Variants in LRBA observed in about 807,000 individuals in gnomAD.
The protein encoded by LRBA is LPS responsive beige-like anchor protein.
A neutral mutation model predicts 330.0 loss-of-function variants in LRBA; 176 were observed. The ratio of observed to expected loss-of-function variants is 0.53; its 90% confidence interval spans 0.47 to 0.60. The LOEUF (loss-of-function observed/expected upper bound fraction) is 0.60. Ranked by LOEUF, LRBA falls within the 20% of genes least tolerant of loss-of-function variation. The pLI, the probability that LRBA is intolerant of heterozygous loss-of-function variation, is 0.00. For missense variants in LRBA, 3,259 were observed against 3,444.8 expected (o/e 0.95, Z 1.35); for synonymous variants, 1,230 against 1,193.0 (o/e 1.03, Z -0.64).
chr4:150,268,803 GAA>G (rs1038668493), intron 56 of LRBA, among the ~76,000 whole-genome samples: 1 of 152,078 alleles, frequency 6.6e-6, no homozygotes, highest in Non-Finnish European at 1.5e-5. Flanking sequence ...CACACTCGAT[GAA>G]AAAAAGTTTT....
chr4:150,535,788 T>C (rs561835271), intron 40 of LRBA, among the ~76,000 whole-genome samples: 30 of 152,192 alleles, frequency 2.0e-4, no homozygotes, highest in African/African-American at 7.2e-4. Context: ...TATAAAATAC[T>C]TTCGTTCTTA....
chr4:150,904,171 C>T (rs1731059122), intron 13 of LRBA, among the ~76,000 whole-genome samples: 2 of 152,232 alleles, frequency 1.3e-5, no homozygotes, highest in African/African-American at 4.8e-5. Context: ...GACCACGAAG[C>T]TGATAAAGCT....
chr4:150,887,498 G>T (rs572716206), intron 17 of LRBA, among the ~76,000 whole-genome samples: 8 of 152,228 alleles, frequency 5.3e-5, no homozygotes, highest in Admixed American at 4.6e-4. Flanking sequence ...CACGGGCCGG[G>T]TGTGGTGGCT....
chr4:150,672,972 G>C (rs574434077), intron 37 of LRBA, among the ~76,000 whole-genome samples: 1 of 152,174 alleles, frequency 6.6e-6, no homozygotes, highest in Admixed American at 6.5e-5. Context: ...TTGGAATGAC[G>C]AACAAATGAC....
intron 17 of LRBA, among the ~76,000 whole-genome samples, chr4:150,881,314 A>C (rs1728360454): frequency 6.6e-6 from 1 of 152,256 alleles, no homozygotes. Flanking sequence ...ATACATATAC[A>C]CCAAAGAATA....
intron 38 of LRBA, chr4:150,597,102 T>G (rs757377039): frequency 1.4e-6 from 2 of 1,404,576 alleles, no homozygotes; most frequent in Non-Finnish European, 2.0e-6. Context: ...TCTCTCTCAA[T>G]TTAAAAATGC....
chr4:150,962,645 C>G (rs1304174027), intron 2 of LRBA, among the ~76,000 whole-genome samples: 1 of 149,134 alleles, frequency 6.7e-6, no homozygotes. Flanking sequence ...ACAATAAATT[C>G]AAGCTACATA....
chr4:150,835,950 CTCT>C (rs1168094991), intron 28 of LRBA, among the ~76,000 whole-genome samples: 2 of 152,096 alleles, frequency 1.3e-5, no homozygotes, highest in South Asian at 4.1e-4. Flanking sequence ...TCATAAATAG[CTCT>C]TATTATTTTG....
At chr4:150,507,578 C>T (rs1469984372) in intron 40 of LRBA, among the ~76,000 whole-genome samples, 1 of 152,044 alleles carries the variant, frequency 6.6e-6, no homozygotes, top group African/African-American at 2.4e-5. Context: ...AAAATTAATT[C>T]AAGATGGATT....
intron 37 of LRBA, among the ~76,000 whole-genome samples, chr4:150,674,164 AT>A (rs1469008409): frequency 3.3e-5 from 5 of 151,554 alleles, no homozygotes; most frequent in African/African-American, 1.2e-4. Flanking sequence ...AAAAAAAGTA[AT>A]TTTTGTGGTG....
intron 2 of LRBA, among the ~76,000 whole-genome samples, chr4:150,945,262 A>C (rs911976237): frequency 1.3e-5 from 2 of 152,250 alleles, no homozygotes; most frequent in Admixed American, 6.5e-5. Flanking sequence ...AGATATAAAG[A>C]TATCTATTGC....
Position 150,867,689 on chromosome 4 carries a change from T to C in LRBA, c.2748A>G (p.Leu916=), listed in dbSNP as rs1288300649. Reference sequence around the variant, plus strand: ...AACTTACCTTTGAATGAGTGATTGATAAAGTGTCTACCCATACACGCCAGC... The same window carrying C: ...AACTTACCTTTGAATGAGTGATTGACAAAGTGTCTACCCATACACGCCAGC... ...WGGWRVWVDT[L]SITHSKVTFE... The change falls in exon 22 of 57, where the codon TTA becomes TTG. Residue 916 remains leucine, a synonymous_variant. Coordinates refer to ENST00000651943, the MANE Select transcript of LRBA (RefSeq NM_001364905.1). 3 of 1,608,688 alleles carry C rather than the reference T, an allele frequency of 1.9e-6. No homozygotes were observed. Among genetic ancestry groups the C allele is most frequent in the Non-Finnish European group, 8.5e-7 (1 of 1,178,186 alleles).
chr4:150,646,821 C>T (rs1271306315), intron 37 of LRBA, among the ~76,000 whole-genome samples: 2 of 151,938 alleles, frequency 1.3e-5, no homozygotes, highest in Non-Finnish European at 2.9e-5. Context: ...ACATAACATG[C>T]AAAAGAAATG....
chr4:150,322,204 T>C (rs946769341), intron 49 of LRBA, among the ~76,000 whole-genome samples: 1 of 152,154 alleles, frequency 6.6e-6, no homozygotes, highest in Admixed American at 6.5e-5. Flanking sequence ...TAATTGAAAA[T>C]GTTAAATGAA....
At chr4:150,413,636 A>G (rs191371828) in intron 47 of LRBA, among the ~76,000 whole-genome samples, 1 of 152,322 alleles carries the variant, frequency 6.6e-6, no homozygotes, top group East Asian at 1.9e-4. Context: ...GCAGAGGCTG[A>G]CTATAAAGAG....
intron 36 of LRBA, among the ~76,000 whole-genome samples, chr4:150,714,488 A>C (rs1033790222): frequency 4.6e-5 from 7 of 152,132 alleles, no homozygotes; most frequent in African/African-American, 1.7e-4. Context: ...ATCATAACTG[A>C]AGTAATTACA....
At chr4:150,726,705 GAAC>G (rs1177806241) in intron 36 of LRBA, among the ~76,000 whole-genome samples, 2 of 152,068 alleles carry the variant, frequency 1.3e-5, no homozygotes, top group Non-Finnish European at 2.9e-5. Flanking sequence ...ACTATTACGA[GAAC>G]ATCATGGAAG....
rs141313017 is a variant in LRBA, at chr4:150,992,280, C to T, written c.216+22147G>A. On this transcript the variant is annotated intron_variant, in intron 2 of 56. Coordinates refer to ENST00000651943, the MANE Select transcript of LRBA (RefSeq NM_001364905.1). ...GCAGTGAGCCGAGACTACACCACTG[C>T]ACTCCAGACTGGGCAACAGAGCGAG... 7.7e-3 allele frequency among the ~76,000 whole-genome samples: 1,158 copies of T among 149,710 alleles called. 46 individuals carry two copies. The highest frequency in any genetic ancestry group is 0.062 in the Admixed American group (925 of 14,922).
intron 2 of LRBA, among the ~76,000 whole-genome samples, chr4:150,989,198 G>T (rs1401128422): frequency 6.6e-6 from 1 of 151,722 alleles, no homozygotes; most frequent in Non-Finnish European, 1.5e-5. Flanking sequence ...TAGAGATGGG[G>T]TTTCGCCATG....
Sources: gnomAD v4.1 joint callset for allele counts (sites outside exome capture counted in the v4.1 genomes callset) on GRCh38, gnomAD v4.1.1 for gene constraint, MANE v1.5 for transcripts, NCBI Gene and HGNC (gene_info 2026-07-23, HGNC 2026-07-21) for gene names.